The following AGBL1 variants were observed in gnomAD, a reference collection of about 807,000 sequenced individuals.
AGBL1 encodes AGBL carboxypeptidase 1, also known as cytosolic carboxypeptidase 4.
A neutral mutation model predicts 118.9 loss-of-function variants in AGBL1; 130 were observed. The ratio of observed to expected loss-of-function variants is 1.09; its 90% confidence interval spans 0.95 to 1.26. AGBL1 has a LOEUF of 1.26. Ranked by LOEUF, AGBL1 falls within the 50% of genes most tolerant of loss-of-function variation. The pLI, the probability that AGBL1 is intolerant of heterozygous loss-of-function variation, is 0.00. For synonymous variants in AGBL1, 555 were observed against 478.9 expected, an observed-to-expected ratio of 1.16 and a Z score of -2.08; for missense variants, 1,584 against 1,298.1, an observed-to-expected ratio of 1.22 and a Z score of -3.38.
intron 17 of AGBL1, among the ~76,000 whole-genome samples, chr15:86,343,268 G>A (rs989507933): frequency 6.6e-6 from 1 of 152,160 alleles, no homozygotes; most frequent in Non-Finnish European, 1.5e-5. Flanking sequence ...GGGAGGAAGA[G>A]TGACAGCATG....
intron 22 of AGBL1, among the ~76,000 whole-genome samples, chr15:86,819,728 T>A (rs576595757): frequency 1.3e-5 from 2 of 152,298 alleles, no homozygotes; most frequent in South Asian, 4.1e-4. Context: ...CAAAGTAATT[T>A]ATAGATTCAA....
At chr15:86,732,339 ACTC>A (rs1223853804) in intron 22 of AGBL1, among the ~76,000 whole-genome samples, 1 of 152,038 alleles carries the variant, frequency 6.6e-6, no homozygotes, top group Admixed American at 6.6e-5. Flanking sequence ...CATATAATCT[ACTC>A]CACCACAGCT....
intron 3 of AGBL1, among the ~76,000 whole-genome samples, chr15:86,149,759 G>C (rs544424069): frequency 2.0e-5 from 3 of 152,274 alleles, no homozygotes; most frequent in Admixed American, 6.5e-5. Flanking sequence ...CTTGAACTCA[G>C]CTCTGCAGCA....
intron 23 of AGBL1, among the ~76,000 whole-genome samples, chr15:86,972,466 A>T (rs1460867006): frequency 6.6e-6 from 1 of 152,054 alleles, no homozygotes; most frequent in Non-Finnish European, 1.5e-5. Flanking sequence ...ATGTATTTCA[A>T]ACAAAGCGTT....
At chr15:86,132,281 G>C (rs1256938251) in intron 1 of AGBL1, among the ~76,000 whole-genome samples, 2 of 152,158 alleles carry the variant, frequency 1.3e-5, no homozygotes, top group African/African-American at 4.8e-5. Context: ...GTGACTTGTA[G>C]AGGCAGGGAG....
chr15:86,221,427 CT>C (rs2078279126), intron 5 of AGBL1, among the ~76,000 whole-genome samples: 1 of 152,148 alleles, frequency 6.6e-6, no homozygotes, highest in Admixed American at 6.5e-5. Flanking sequence ...TAAGCTTTTG[CT>C]TTTTGTGGGC....
intron 5 of AGBL1, among the ~76,000 whole-genome samples, chr15:86,196,865 A>ATG (rs1567118975): frequency 5.8e-5 from 5 of 85,472 alleles, no homozygotes; most frequent in Admixed American, 2.6e-4. Flanking sequence ...GAATGTGCAC[A>ATG]TGTGCGCGCG....
chr15:86,796,977 A>G (rs1411090188), intron 22 of AGBL1, among the ~76,000 whole-genome samples: 2 of 152,236 alleles, frequency 1.3e-5, no homozygotes, highest in Non-Finnish European at 2.9e-5. Context: ...GCAGTTGTAC[A>G]GAACATGGAC....
chr15:86,356,437 T>C (rs1397700600), intron 17 of AGBL1, among the ~76,000 whole-genome samples: 1 of 152,128 alleles, frequency 6.6e-6, no homozygotes, highest in Non-Finnish European at 1.5e-5. Context: ...AATACCTTCT[T>C]GGAAGATCAA....
intron 18 of AGBL1, among the ~76,000 whole-genome samples, chr15:86,491,298 C>T (rs1051625734): frequency 6.6e-6 from 1 of 151,964 alleles, no homozygotes; most frequent in African/African-American, 2.4e-5. Context: ...GTGGAAAGTC[C>T]CAAAATGTTT....
intron 18 of AGBL1, among the ~76,000 whole-genome samples, chr15:86,409,838 G>A (rs548923641): frequency 1.2e-4 from 18 of 152,180 alleles, no homozygotes; most frequent in African/African-American, 3.4e-4. Context: ...ATGTCTGTCC[G>A]CATTCCAATG....
At chr15:86,830,225 A>C (rs1270724446) in intron 22 of AGBL1, among the ~76,000 whole-genome samples, 1 of 152,186 alleles carries the variant, frequency 6.6e-6, no homozygotes, top group Non-Finnish European at 1.5e-5. Flanking sequence ...ATACCCATGC[A>C]ATCACCATCC....
chr15:86,584,102 A>G (rs934516347), intron 21 of AGBL1, among the ~76,000 whole-genome samples: 2 of 152,104 alleles, frequency 1.3e-5, no homozygotes, highest in Admixed American at 6.6e-5. Context: ...TTGGATGCAT[A>G]GTTTGCAAAT....
Position 86,087,331 on chromosome 15 carries a change from G to A in AGBL1, c.51+7308G>A, listed in dbSNP as rs890338782. On this transcript the variant is annotated intron_variant, in intron 1 of 22. Coordinates refer to ENST00000614907, the MANE Select transcript of AGBL1 (RefSeq NM_001386094.1). ...TCACATGCATTGTCTCATTTAATGG[G>A]CTTTTTTTTTTTTTTTTGACATTGT... 4.7e-5 allele frequency among the ~76,000 whole-genome samples: 7 copies of A among 147,408 alleles called. No homozygotes were observed. The East Asian group carries it at 1.4e-3, about 29-fold the overall frequency.
intron 23 of AGBL1, among the ~76,000 whole-genome samples, chr15:86,944,528 C>G (rs79281144): frequency 6.6e-6 from 1 of 152,056 alleles, no homozygotes; most frequent in Non-Finnish European, 1.5e-5. Flanking sequence ...ACAGAACATT[C>G]GACTGGACAT....
chr15:86,082,056 T>G (rs550713926), intron 1 of AGBL1, among the ~76,000 whole-genome samples: 1 of 152,326 alleles, frequency 6.6e-6, no homozygotes, highest in African/African-American at 2.4e-5. Flanking sequence ...CCTCAGTTGA[T>G]CAGAGTTTGG....
intron 17 of AGBL1, among the ~76,000 whole-genome samples, chr15:86,388,820 C>G (rs1000436181): frequency 4.6e-5 from 7 of 152,178 alleles, no homozygotes; most frequent in African/African-American, 1.7e-4. Context: ...GCCTACTTCA[C>G]AGATTTACTC....
At chr15:86,791,179 A>T (rs559215652) in intron 22 of AGBL1, among the ~76,000 whole-genome samples, 125 of 152,322 alleles carry the variant, frequency 8.2e-4, no homozygotes, top group African/African-American at 3.0e-3. Flanking sequence ...TTACCATTAG[A>T]TTGGATGACC....
At chr15:86,150,327 A>G (rs1240637700) in intron 3 of AGBL1, among the ~76,000 whole-genome samples, 2 of 152,220 alleles carry the variant, frequency 1.3e-5, no homozygotes, top group Non-Finnish European at 2.9e-5. Context: ...CAAAAAATCA[A>G]TGAATCCAGG....
Sources: gnomAD v4.1 joint callset for allele counts (sites outside exome capture counted in the v4.1 genomes callset) on GRCh38, gnomAD v4.1.1 for gene constraint, MANE v1.5 for transcripts, NCBI Gene and HGNC (gene_info 2026-07-23, HGNC 2026-07-21) for gene names.